IVNS1ABP: variants seen among roughly 807,000 people sequenced by gnomAD.
IVNS1ABP encodes the protein influenza virus NS1A binding protein.
IVNS1ABP carries 25 observed loss-of-function variants against 78.9 expected under a neutral mutation model. The observed-to-expected ratio is 0.32, with a 90% CI of 0.23 to 0.44. IVNS1ABP has a LOEUF of 0.44. Among genes scored for constraint, IVNS1ABP ranks in the 20% least tolerant of loss-of-function variants. The probability of loss-of-function intolerance (pLI) is 1.00; values close to 1 mark genes in which losing one functional copy is unlikely to be tolerated. For missense variants in IVNS1ABP, 494 were observed against 768.9 expected (o/e 0.64, Z 4.23); for synonymous variants, 241 against 259.7 (o/e 0.93, Z 0.69).
In IVNS1ABP at chr1:185,305,324, A is replaced by G. The variant is rs920551575; in HGVS notation, c.765+212T>C. On this transcript the variant is annotated intron_variant, in intron 8 of 14. Transcript: ENST00000367498. The surrounding 1 kb of genome is among the most constrained non-coding windows in gnomAD (Gnocchi z 4.0). ...TTGTAATTCCTGCTTTATGAGAAAA[A>G]AATTTCAATAGGGTTTCCTAATTTG... 3.3e-5 allele frequency among the ~76,000 whole-genome samples: 5 copies of G among 152,166 alleles called. No homozygotes were observed. Among genetic ancestry groups the G allele is most frequent in the African/African-American group, 1.2e-4 (5 of 41,446 alleles).
At chr1:185,307,388 T>C (rs1237305038) in intron 6 of IVNS1ABP, 101 bp downstream of exon 6, 2 of 972,746 alleles carry the variant, frequency 2.1e-6, no homozygotes, top group Non-Finnish European at 3.1e-6. Context: ...ATAATTTCAA[T>C]GTATTATTTC....
In IVNS1ABP at chr1:185,301,428, A is replaced by G. The variant is rs773858783; in HGVS notation, c.895+6T>C. The G allele has an allele frequency of 6.2e-7, 1 of 1,612,972 alleles. No individual in the cohort carries two copies. Among genetic ancestry groups the G allele is most frequent in the Non-Finnish European group, 8.5e-7 (1 of 1,179,244 alleles). On this transcript the variant is annotated splice_donor_region_variant and intron_variant, in intron 9 of 14. Coordinates refer to ENST00000367498, the MANE Select transcript of IVNS1ABP (RefSeq NM_006469.5). ...GAAAACAATCTGGCAAGTGTCATATACTTACTTGAAGTCTTTTCTGAAGCA... is the reference window on the plus strand; with the variant it reads ...GAAAACAATCTGGCAAGTGTCATATGCTTACTTGAAGTCTTTTCTGAAGCA...
intron 8 of IVNS1ABP, among the ~76,000 whole-genome samples, chr1:185,302,115 T>C (rs1305017780): frequency 4.6e-5 from 7 of 152,128 alleles, no homozygotes; most frequent in Admixed American, 3.9e-4. Flanking sequence ...TTCTTTAGGA[T>C]TACCTTATAG....
At chr1:185,313,547 A>G (rs1267447648) in intron 1 of IVNS1ABP, among the ~76,000 whole-genome samples, 1 of 152,150 alleles carries the variant, frequency 6.6e-6, no homozygotes, top group African/African-American at 2.4e-5. Context: ...GAAAGTTCCT[A>G]TTTACTTTCA....
chr1:185,301,043 G>T lies in IVNS1ABP; in HGVS notation c.1049C>A (p.Pro350His), dbSNP rs146850606. 1.2e-6 allele frequency: 2 copies of T among 1,613,344 alleles called. No homozygotes were observed. The highest frequency in any genetic ancestry group is 2.7e-5 in the African/African-American group (2 of 74,832). Residue 350 changes from proline to histidine, a missense_variant, in exon 10 of 15, where the codon CCC becomes CAC. Physicochemically the swap from Pro to His is moderately conservative, Grantham distance 77 (BLOSUM62 -2). Coordinates refer to ENST00000367498, the MANE Select transcript of IVNS1ABP (RefSeq NM_006469.5). ...TCGTGCGTACTGCATAGGAGACATG[G>T]GCTTTTCGATTAGCTCATCTTGTTG... ...EMQQDELIEKPMSPMQYARSG... is the reference protein window; with the variant it reads ...EMQQDELIEKHMSPMQYARSG...
intron 1 of IVNS1ABP, among the ~76,000 whole-genome samples, chr1:185,314,153 C>G (rs1665954603): frequency 6.6e-6 from 1 of 152,130 alleles, no homozygotes; most frequent in South Asian, 2.1e-4. Context: ...AGTAAATCAA[C>G]ACATCTTTTT....
At chr1:185,301,588 G>A (rs1289854488) in intron 8 of IVNS1ABP, 25 bp from the exon 9 acceptor site, 1 of 1,611,976 alleles carries the variant, frequency 6.2e-7, no homozygotes, top group Non-Finnish European at 8.5e-7. Context: ...GGTAGCTACA[G>A]AAACCTAGCC....
At position 185,305,828 on chromosome 1, in the gene IVNS1ABP, A is replaced by C. The variant is rs1665725370; in HGVS notation, c.658-185T>G. On this transcript the variant is annotated intron_variant, in intron 7 of 14. Coordinates refer to ENST00000367498, the MANE Select transcript of IVNS1ABP (RefSeq NM_006469.5). This position sits in a 1 kb window ranked among gnomAD's most constrained non-coding sequence, Gnocchi z 4.0. ...ATGGTGGTAAAAATTAAAAAACAAA[A>C]ACAAAAAACCAAAATCAAATACAAA... The C allele has an allele frequency of 4.9e-6, 3 of 612,080 alleles. No individual in the cohort carries two copies. The highest frequency in any genetic ancestry group is 8.0e-6 in the Non-Finnish European group (3 of 375,598). 37.9% of individuals were successfully genotyped at this position (612,080 alleles called of 1,614,324 possible). A position where few individuals can be genotyped will look rare whatever the true frequency, so the allele number is the denominator to read the frequency against.
In IVNS1ABP at chr1:185,311,730, T is replaced by C. The variant is rs80241019; in HGVS notation, c.-246-408A>G. 5.5e-3 allele frequency among the ~76,000 whole-genome samples: 837 copies of C among 152,304 alleles called. 33 individuals carry two copies. In the East Asian group the frequency reaches 0.092, roughly 17 times the overall value. On this transcript the variant is annotated intron_variant, in intron 1 of 14. Transcript: ENST00000367498. ...AGGCATTATTCCCAAGCATATATACTATGTTACTGTTCCTCAAAATGAACT... is the reference window on the plus strand; with the variant it reads ...AGGCATTATTCCCAAGCATATATACCATGTTACTGTTCCTCAAAATGAACT...
In IVNS1ABP at chr1:185,306,940, G is replaced by C. The variant is rs565714790; in HGVS notation, c.657+74C>G. The C allele has an allele frequency of 3.3e-6, 5 of 1,510,436 alleles. No individual in the cohort carries two copies. In the South Asian group the frequency reaches 5.7e-5, roughly 17 times the overall value. 93.6% of individuals were successfully genotyped at this position (1,510,436 alleles called of 1,614,324 possible). On this transcript the variant is annotated intron_variant, in intron 7 of 14. Coordinates refer to ENST00000367498, the MANE Select transcript of IVNS1ABP (RefSeq NM_006469.5). ...TTAGGGTCATGGTTATAAAATAAAA[G>C]TGAAAGGGAATCCTTCATGTTATAG...
In IVNS1ABP at chr1:185,307,543, C is replaced by T; in HGVS notation, c.477G>A (p.Glu159=). ...CCTCTTCAGAAATTTGTAACAAATG[C>T]TCCTGAATATAAGCATCAACCTTAT... is the stretch of plus-strand genomic sequence containing the variant. ...LLNKVDAYIQ[E]HLLQISEEEE... The change falls in exon 6 of 15, where the codon GAG becomes GAA. Residue 159 remains glutamate, a synonymous_variant. Transcript: ENST00000367498. The T allele has an allele frequency of 1.2e-6, 2 of 1,613,428 alleles. No individual in the cohort carries two copies. Among genetic ancestry groups the T allele is most frequent in the Non-Finnish European group, 1.7e-6 (2 of 1,179,638 alleles).
chr1:185,310,713 A>G (rs1197831349), intron 2 of IVNS1ABP, among the ~76,000 whole-genome samples: 1 of 152,060 alleles, frequency 6.6e-6, no homozygotes, highest in African/African-American at 2.4e-5. Flanking sequence ...TGTCTCTACA[A>G]AAAATGTAAA....
Position 185,297,968 on chromosome 1 carries a change from A to C in IVNS1ABP, c.*67T>G. 1 of 1,501,922 alleles carries C rather than the reference A, an allele frequency of 6.7e-7. No individual in the cohort carries two copies. Among genetic ancestry groups the C allele is most frequent in the Non-Finnish European group, 9.1e-7 (1 of 1,101,360 alleles). The allele number at this position is 1,501,922 out of a possible 1,614,324, so 93.0% of individuals were successfully genotyped here. On this transcript the variant is annotated 3_prime_UTR_variant, in exon 15 of 15. Coordinates refer to ENST00000367498, the MANE Select transcript of IVNS1ABP (RefSeq NM_006469.5). Reference sequence around the variant, plus strand: ...CTATACCCACCCACCCTCTTTATTCACAAGTGTACCTCTACTAACCATAAT... The same window carrying C: ...CTATACCCACCCACCCTCTTTATTCCCAAGTGTACCTCTACTAACCATAAT...
chr1:185,307,825 A>G (rs1665779103), intron 5 of IVNS1ABP, 163 bp from the exon 6 acceptor site: 1 of 1,219,830 alleles, frequency 8.2e-7, no homozygotes, highest in African/African-American at 1.5e-5. Context: ...CAAATGATAA[A>G]CATCTAATTA....
intron 2 of IVNS1ABP, among the ~76,000 whole-genome samples, chr1:185,310,667 G>A (rs1413724590): frequency 1.3e-5 from 2 of 151,988 alleles, no homozygotes; most frequent in Admixed American, 6.6e-5. Context: ...TTGAGCCCAG[G>A]AGTTTGAGAC....
Position 185,297,544 on chromosome 1 carries a change from T to A in IVNS1ABP, c.*491A>T, listed in dbSNP as rs1665451245. 1 of 154,168 alleles carries A rather than the reference T, an allele frequency of 6.5e-6. No individual in the cohort carries two copies. Among genetic ancestry groups the A allele is most frequent in the Admixed American group, 6.4e-5 (1 of 15,524 alleles). 9.6% of individuals were successfully genotyped at this position (154,168 alleles called of 1,614,324 possible). A position where few individuals can be genotyped will look rare whatever the true frequency, so the allele number is the denominator to read the frequency against. Reference sequence around the variant, plus strand: ...AAAAGATTAAATATTGGTAGGCATGTAAGCTTCCTTTTAATAAAAACAAAA... The same window carrying A: ...AAAAGATTAAATATTGGTAGGCATGAAAGCTTCCTTTTAATAAAAACAAAA... On this transcript the variant is annotated 3_prime_UTR_variant, in exon 15 of 15. Coordinates refer to ENST00000367498, the MANE Select transcript of IVNS1ABP (RefSeq NM_006469.5).
rs1665430449 is a variant in IVNS1ABP at position 185,296,771 on chromosome 1, A to G, written c.*1264T>C. 6.6e-6 allele frequency: 1 copy of G among 152,008 alleles called. No homozygotes were observed. Among genetic ancestry groups the G allele is most frequent in the South Asian group, 2.1e-4 (1 of 4,830 alleles). 9.4% of individuals were successfully genotyped at this position (152,008 alleles called of 1,614,324 possible). ...AAAAAAAAACCTTATATCATTCCTT[A>G]TTTCAGATGTAAGATGCCAGGTGAG... On this transcript the variant is annotated 3_prime_UTR_variant, in exon 15 of 15. Coordinates refer to ENST00000367498, the MANE Select transcript of IVNS1ABP (RefSeq NM_006469.5).
rs574910141 is a variant in IVNS1ABP, at chr1:185,299,408, G to A, written c.1675+302C>T. 23 of 363,080 alleles carry A rather than the reference G, an allele frequency of 6.3e-5. 1 individual carries two copies. In the East Asian group the frequency reaches 6.5e-4, roughly 10 times the overall value. The allele number at this position is 363,080 out of a possible 1,614,324, so 22.5% of individuals were successfully genotyped here. On this transcript the variant is annotated intron_variant, in intron 14 of 14. Transcript: ENST00000367498. ...TCTTTAAATTCTGGCTGTAAAGAAG[G>A]GGAAACTCAAAATTCAAGATGATGC...
At chr1:185,310,731 C>T (rs572984878) in intron 2 of IVNS1ABP, among the ~76,000 whole-genome samples, 2 of 151,834 alleles carry the variant, frequency 1.3e-5, no homozygotes, top group South Asian at 2.1e-4. Context: ...AAAAATTAGG[C>T]AGTCATGGTG....
Sources: gnomAD v4.1 joint callset for allele counts (sites outside exome capture counted in the v4.1 genomes callset) on GRCh38, gnomAD v4.1.1 for gene constraint, Gnocchi (gnomAD v3.1) non-coding constraint, MANE v1.5 for transcripts, NCBI Gene and HGNC (gene_info 2026-07-23, HGNC 2026-07-21) for gene names.